Variants in DBT observed in about 807,000 individuals in gnomAD.
DBT encodes the protein lipoamide acyltransferase component of branched-chain alpha-keto acid dehydrogenase complex, mitochondrial.
A neutral mutation model predicts 51.3 loss-of-function variants in DBT; 40 were observed. That is an observed-to-expected ratio of 0.78 (90% CI 0.61 to 1.02). The LOEUF (loss-of-function observed/expected upper bound fraction) is 1.02. DBT is among the 50% of genes least tolerant of loss of function. DBT has a pLI of 0.00. For missense variants in DBT, 510 were observed against 580.2 expected, an observed-to-expected ratio of 0.88 and a Z score of 1.24; for synonymous variants, 181 against 190.4, an observed-to-expected ratio of 0.95 and a Z score of 0.41.
At chr1:100,230,947 A>T (rs764201256) in intron 3 of DBT, 33 bp from the exon 4 acceptor site, 2 of 1,277,390 alleles carry the variant, frequency 1.6e-6, no homozygotes, top group Non-Finnish European at 2.3e-6. Context: ...ACTTTTATGG[A>T]AACAGTCATA....
At chr1:100,196,697 A>C in intron 10 of DBT, 2 of 457,114 alleles carry the variant, frequency 4.4e-6, no homozygotes, top group South Asian at 5.9e-5. Flanking sequence ...TTCATCTCAG[A>C]TTTCAAATAT....
At chr1:100,197,061 C>T (rs999631663) in intron 10 of DBT, 25 of 197,374 alleles carry the variant, frequency 1.3e-4, no homozygotes, top group African/African-American at 5.8e-4. Context: ...CTAAAATGAA[C>T]CCAGCTAATT....
At chr1:100,228,189 A>G (rs775121417) in intron 4 of DBT, among the ~76,000 whole-genome samples, 9 of 152,208 alleles carry the variant, frequency 5.9e-5, no homozygotes, top group Non-Finnish European at 1.2e-4. Context: ...CTTACAGGAA[A>G]TATAACGACT....
At chr1:100,231,002 C>T in intron 3 of DBT, 88 bp from the exon 4 acceptor site, 1 of 807,022 alleles carries the variant, frequency 1.2e-6, no homozygotes, top group South Asian at 1.4e-5. Context: ...TGAGTTAGAT[C>T]AGTATTCATC....
chr1:100,220,660 G>A (rs1312227959), intron 4 of DBT, among the ~76,000 whole-genome samples: 3 of 152,188 alleles, frequency 2.0e-5, no homozygotes, highest in African/African-American at 2.4e-5. Flanking sequence ...TTTAAGATAG[G>A]TATTATTATC....
chr1:100,209,421 A>AT (rs1661998467), intron 8 of DBT, among the ~76,000 whole-genome samples: 2 of 151,908 alleles, frequency 1.3e-5, no homozygotes, highest in African/African-American at 4.8e-5. Flanking sequence ...CTTGCCTGAA[A>AT]TTTTTTTAAT....
At chr1:100,213,394 C>T (rs1464692590) in intron 7 of DBT, 1 of 1,563,522 alleles carries the variant, frequency 6.4e-7, no homozygotes, top group Non-Finnish European at 8.7e-7. Context: ...GCGCCATCCC[C>T]GCCGCGCCCC....
chr1:100,215,458 T>C (rs1423520584), intron 6 of DBT, among the ~76,000 whole-genome samples: 1 of 152,226 alleles, frequency 6.6e-6, no homozygotes, highest in Non-Finnish European at 1.5e-5. Flanking sequence ...TGCTAACGTA[T>C]TACTCTTCAG....
rs1381384012 is a variant in DBT, at chr1:100,195,020, T to A, written c.*1235A>T. 1 of 152,268 alleles carries A rather than the reference T, an allele frequency of 6.6e-6. No individual in the cohort carries two copies. The highest frequency in any genetic ancestry group is 2.4e-5 in the African/African-American group (1 of 41,466). 9.4% of individuals were successfully genotyped at this position (152,268 alleles called of 1,614,324 possible). On this transcript the variant is annotated 3_prime_UTR_variant, in exon 11 of 11. Coordinates refer to ENST00000370132, the MANE Select transcript of DBT (RefSeq NM_001918.5). ...TAACAAAATGATCATTATGAAACCTTCATTTCTATACAAAATTTCTTATTT... is the reference window on the plus strand; with the variant it reads ...TAACAAAATGATCATTATGAAACCTACATTTCTATACAAAATTTCTTATTT...
intron 4 of DBT, among the ~76,000 whole-genome samples, chr1:100,221,330 T>C (rs985603560): frequency 3.9e-5 from 6 of 152,192 alleles, no homozygotes; most frequent in Non-Finnish European, 8.8e-5. Context: ...TTTTAAATAA[T>C]CTTCAAAATG....
rs560234279 is a variant in DBT, at chr1:100,187,020, A to G, written c.*9235T>C. 1 of 152,336 alleles carries G rather than the reference A, an allele frequency of 6.6e-6. No individual in the cohort carries two copies. The highest frequency in any genetic ancestry group is 2.1e-4 in the South Asian group (1 of 4,824). 9.4% of individuals were successfully genotyped at this position (152,336 alleles called of 1,614,324 possible). The stretch of plus-strand genomic sequence containing the variant: ...TTTAAATCTCCATTTGAGAAAAAGC[A>G]TGCCATGAGTCTAAATAACCAATTT... On this transcript the variant is annotated 3_prime_UTR_variant, in exon 11 of 11. Coordinates refer to ENST00000370132, the MANE Select transcript of DBT (RefSeq NM_001918.5).
Position 100,189,391 on chromosome 1 carries a change from G to A in DBT, c.*6864C>T, listed in dbSNP as rs962700147. 53 of 151,658 alleles carry A rather than the reference G, an allele frequency of 3.5e-4. No individual in the cohort carries two copies. Among genetic ancestry groups the A allele is most frequent in the African/African-American group, 1.2e-3 (48 of 41,230 alleles). The allele number at this position is 151,658 out of a possible 1,614,324, so 9.4% of individuals were successfully genotyped here. On this transcript the variant is annotated 3_prime_UTR_variant, in exon 11 of 11. Coordinates refer to ENST00000370132, the MANE Select transcript of DBT (RefSeq NM_001918.5). The stretch of plus-strand genomic sequence containing the variant: ...AAAAAGCCTGTGGTTATTTTGATGG[G>A]ATAGCAAGGATAACATGAACCATGT...
chr1:100,235,246 C>T (rs1360034498), intron 3 of DBT, among the ~76,000 whole-genome samples, 190 bp downstream of exon 3: 1 of 152,028 alleles, frequency 6.6e-6, no homozygotes, highest in African/African-American at 2.4e-5. Flanking sequence ...ATGACAAAGT[C>T]CTTCACCACT....
In DBT at chr1:100,213,477, G is replaced by A. The variant is rs928618772; in HGVS notation, c.939+1340C>T. ...CCCAGGGTCTACAACATCCACAGCT[G>A]GACCGTCATCCGCTATCCTACCAAC... On this transcript the variant is annotated intron_variant, in intron 7 of 10. Transcript: ENST00000370132. The A allele has an allele frequency of 5.8e-6, 9 of 1,549,146 alleles. No homozygotes were observed. In the African/African-American group the frequency reaches 1.2e-4, roughly 21 times the overall value.
chr1:100,240,411 C>A (rs148287321), intron 2 of DBT, among the ~76,000 whole-genome samples: 4 of 152,132 alleles, frequency 2.6e-5, no homozygotes, highest in African/African-American at 9.7e-5. Flanking sequence ...TGCCTGTAAT[C>A]CCAGCTCTTT....
At chr1:100,230,085 T>C (rs1206282911) in intron 4 of DBT, among the ~76,000 whole-genome samples, 3 of 152,194 alleles carry the variant, frequency 2.0e-5, no homozygotes, top group Non-Finnish European at 4.4e-5. Flanking sequence ...TATATTAGAT[T>C]TCATCTTTAG....
rs1057521505 is a variant in DBT at position 100,230,927 on chromosome 1, G to C, written c.252-13C>G. 6.7e-7 allele frequency: 1 copy of C among 1,495,038 alleles called. No homozygotes were observed. The highest frequency in any genetic ancestry group is 1.4e-5 in the African/African-American group (1 of 72,516). 92.6% of individuals were successfully genotyped at this position (1,495,038 alleles called of 1,614,324 possible). ...TTCTTTTACATACCTAAAAGAAAAA[G>C]AAATGAGACACTTTTATGGAAACAG... is the stretch of plus-strand genomic sequence containing the variant. On this transcript the variant is annotated splice_polypyrimidine_tract_variant and intron_variant, in intron 3 of 10. Transcript: ENST00000370132.
intron 5 of DBT, among the ~76,000 whole-genome samples, chr1:100,216,529 C>T (rs1662497443): frequency 6.6e-6 from 1 of 152,212 alleles, no homozygotes; most frequent in African/African-American, 2.4e-5. Context: ...CCTCTCACCT[C>T]AGCCTCCCAA....
chr1:100,235,386 A>G (rs1171076011), intron 3 of DBT, 50 bp downstream of exon 3: 1 of 895,990 alleles, frequency 1.1e-6, no homozygotes, highest in Non-Finnish European at 1.8e-6. Flanking sequence ...AGTTATTTTT[A>G]CTCAAATTAT....
Sources: allele counts gnomAD v4.1 joint callset (sites outside exome capture counted in the v4.1 genomes callset), GRCh38; gene constraint gnomAD v4.1.1; transcripts MANE v1.5; gene names NCBI Gene and HGNC (gene_info 2026-07-23, HGNC 2026-07-21).